The following PPFIBP1 variants were observed in gnomAD, a reference collection of about 807,000 sequenced individuals.
The protein encoded by PPFIBP1 is PPFIB scaffold protein 1.
In PPFIBP1, 112 loss-of-function variants were observed where a neutral mutation model predicts 137.8. The observed-to-expected ratio is 0.81, with a 90% confidence interval of 0.70 to 0.95. The LOEUF is 0.95. Ranked by LOEUF, PPFIBP1 falls within the 40% of genes least tolerant of loss-of-function variation. PPFIBP1 has a pLI of 0.00. For missense variants in PPFIBP1, 1,083 were observed against 1,196.6 expected, an observed-to-expected ratio of 0.91 and a Z score of 1.40; for synonymous variants, 378 against 417.3, an observed-to-expected ratio of 0.91 and a Z score of 1.15.
At chr12:27,583,618 T>C (rs2051372899) in intron 2 of PPFIBP1, among the ~76,000 whole-genome samples, 1 of 152,158 alleles carries the variant, frequency 6.6e-6, no homozygotes, top group Non-Finnish European at 1.5e-5. Flanking sequence ...GAAAGCCAAG[T>C]ATCAAGCAGG....
intron 2 of PPFIBP1, among the ~76,000 whole-genome samples, chr12:27,598,810 G>A (rs116387495): frequency 0.022 from 3,340 of 152,170 alleles, 116 homozygotes; most frequent in African/African-American, 0.069. Context: ...TTAACAATAC[G>A]GCTCATGTTA....
At chr12:27,629,550 A>G (rs1421684906) in intron 2 of PPFIBP1, among the ~76,000 whole-genome samples, 1 of 152,086 alleles carries the variant, frequency 6.6e-6, no homozygotes, top group Non-Finnish European at 1.5e-5. Context: ...TGCATGTATT[A>G]TTTGTTCCAT....
Position 27,528,729 on chromosome 12 carries a change from T to A in PPFIBP1, c.-124+4364T>A, listed in dbSNP as rs572571329. 2.0e-5 allele frequency among the ~76,000 whole-genome samples: 3 copies of A among 152,264 alleles called. No individual in the cohort carries two copies. In the South Asian group the frequency reaches 6.2e-4, roughly 32 times the overall value. ...ACATACCAGACAACTGGATTTTAGA[T>A]AAAAGAAATATGGGTTCTTCTAGGA... On this transcript the variant is annotated intron_variant, in intron 1 of 29. Coordinates refer to ENST00000228425, the MANE Select transcript of PPFIBP1 (RefSeq NM_003622.4).
intron 1 of PPFIBP1, among the ~76,000 whole-genome samples, chr12:27,573,268 G>A (rs2050286943): frequency 1.3e-5 from 2 of 152,288 alleles, no homozygotes; most frequent in African/African-American, 4.8e-5. Context: ...TTAAATACCC[G>A]AATGAATGGG....
chr12:27,614,310 T>C (rs1034362517), intron 2 of PPFIBP1, among the ~76,000 whole-genome samples: 1 of 151,964 alleles, frequency 6.6e-6, no homozygotes, highest in African/African-American at 2.4e-5. Flanking sequence ...GCCCAGGAGG[T>C]TGAGGCTGCA....
At chr12:27,684,219 C>T (rs996045559) in intron 24 of PPFIBP1, among the ~76,000 whole-genome samples, 3 of 152,296 alleles carry the variant, frequency 2.0e-5, no homozygotes, top group Middle Eastern at 3.4e-3. Context: ...AGTGATTCTC[C>T]TGCCTCAGCC....
intron 10 of PPFIBP1, 60 bp from the exon 11 acceptor site, chr12:27,660,824 A>G: frequency 6.4e-7 from 1 of 1,571,662 alleles, no homozygotes; most frequent in Non-Finnish European, 8.6e-7. Flanking sequence ...AGAGTAAATA[A>G]CTTCTTATCA....
chr12:27,656,658 T>A lies in PPFIBP1; in HGVS notation c.739T>A (p.Ser247Thr), dbSNP rs375385877. ...SLKEQLEEKESEVKRLQEKLV... is the reference protein window; with the variant it reads ...SLKEQLEEKETEVKRLQEKLV... ...AAAAGAACAACTAGAAGAAAAGGAA[T>A]CTGAAGTAAAAAGGCTACAAGAAAA... Residue 247 changes from serine (S) to threonine (T), a missense_variant, in exon 9 of 30, where the codon TCT (serine) becomes ACT (threonine). By Grantham distance (58) the Ser-to-Thr change is moderately conservative. Transcript: ENST00000228425. 4.3e-6 allele frequency: 7 copies of A among 1,612,834 alleles called. No individual in the cohort carries two copies. Among genetic ancestry groups the A allele is most frequent in the African/African-American group, 1.3e-5 (1 of 74,998 alleles).
chr12:27,533,818 G>C (rs1944662138), intron 1 of PPFIBP1, among the ~76,000 whole-genome samples: 1 of 152,188 alleles, frequency 6.6e-6, no homozygotes, highest in Non-Finnish European at 1.5e-5. Flanking sequence ...AGGCAAAAAA[G>C]AAGTTAGGAG....
chr12:27,592,276 G>A (rs561793891), intron 2 of PPFIBP1, among the ~76,000 whole-genome samples: 1 of 152,292 alleles, frequency 6.6e-6, no homozygotes, highest in African/African-American at 2.4e-5. Context: ...AACTTGAGAA[G>A]CTTCAAAAAA....
rs1326996979 is a variant in PPFIBP1 at position 27,578,182 on chromosome 12, G to A, written c.-93G>A. The stretch of plus-strand genomic sequence containing the variant: ...AAGAACGTGTGGATCACTTTGCTGA[G>A]TACATCCAAGATTTGAAGAACTGAA... On this transcript the variant is annotated 5_prime_UTR_variant, in exon 2 of 30. Transcript: ENST00000228425. 6.6e-6 allele frequency: 1 copy of A among 152,004 alleles called. No homozygotes were observed. The highest frequency in any genetic ancestry group is 2.4e-5 in the African/African-American group (1 of 41,388). The allele number at this position is 152,004 out of a possible 1,614,324, so 9.4% of individuals were successfully genotyped here.
intron 24 of PPFIBP1, among the ~76,000 whole-genome samples, chr12:27,686,377 A>G (rs959205930): frequency 1.3e-5 from 2 of 152,200 alleles, no homozygotes; most frequent in African/African-American, 4.8e-5. Context: ...ACTGCTCCCA[A>G]TATCACCTTC....
At chr12:27,686,197 A>G (rs994154398) in intron 24 of PPFIBP1, among the ~76,000 whole-genome samples, 2 of 152,212 alleles carry the variant, frequency 1.3e-5, no homozygotes, top group African/African-American at 4.8e-5. Context: ...CCTGGTTAGT[A>G]GCCTCAAGGA....
At chr12:27,615,151 T>A (rs1026140229) in intron 2 of PPFIBP1, among the ~76,000 whole-genome samples, 3 of 152,206 alleles carry the variant, frequency 2.0e-5, no homozygotes, top group African/African-American at 7.2e-5. Context: ...CCCGAAAGCC[T>A]CAGCAGAGTG....
At chr12:27,590,310 G>A (rs1016821878) in intron 2 of PPFIBP1, among the ~76,000 whole-genome samples, 11 of 151,996 alleles carry the variant, frequency 7.2e-5, no homozygotes, top group African/African-American at 2.7e-4. Context: ...CGAGTAGCTG[G>A]GATTACAGGC....
At chr12:27,592,155 C>A (rs7970985) in intron 2 of PPFIBP1, among the ~76,000 whole-genome samples, 1 of 152,062 alleles carries the variant, frequency 6.6e-6, no homozygotes, top group Non-Finnish European at 1.5e-5. Context: ...TGTCCTCACA[C>A]GGGAAATAGC....
At chr12:27,667,378 TA>T in intron 13 of PPFIBP1, 58 bp downstream of exon 13, 2 of 1,361,572 alleles carry the variant, frequency 1.5e-6, no homozygotes, top group Non-Finnish European at 1.9e-6. Flanking sequence ...ACTGAAAAGT[TA>T]AAACACTGCT....
At chr12:27,629,795 AG>A (rs1241084363) in intron 2 of PPFIBP1, among the ~76,000 whole-genome samples, 1 of 152,182 alleles carries the variant, frequency 6.6e-6, no homozygotes, top group Non-Finnish European at 1.5e-5. Context: ...CTGATAAATT[AG>A]GCTGCCTCTA....
intron 4 of PPFIBP1, among the ~76,000 whole-genome samples, chr12:27,639,012 G>A (rs9788270): frequency 6.6e-6 from 1 of 152,164 alleles, no homozygotes; most frequent in Non-Finnish European, 1.5e-5. Context: ...CTGGTTTCTT[G>A]TAGGATGCAG....
Sources: gnomAD v4.1 joint callset for allele counts (sites outside exome capture counted in the v4.1 genomes callset) on GRCh38, gnomAD v4.1.1 for gene constraint, MANE v1.5 for transcripts, NCBI Gene and HGNC (gene_info 2026-07-23, HGNC 2026-07-21) for gene names.